The following ABHD17B variants were observed in gnomAD, a reference collection of about 807,000 sequenced individuals.
ABHD17B encodes alpha/beta hydrolase domain-containing protein 17B.
A neutral mutation model predicts 26.2 loss-of-function variants in ABHD17B; 9 were observed. That is an observed-to-expected ratio of 0.34 (90% CI 0.21 to 0.60). The LOEUF (loss-of-function observed/expected upper bound fraction) is 0.60. ABHD17B is among the 20% of genes least tolerant of loss of function. The pLI, the probability that ABHD17B is intolerant of heterozygous loss-of-function variation, is 0.80. For synonymous variants in ABHD17B, 127 were observed against 122.3 expected, an observed-to-expected ratio of 1.04 and a Z score of -0.25; for missense variants, 224 against 352.1, an observed-to-expected ratio of 0.64 and a Z score of 2.91.
At chr9:71,909,995 C>T (rs1564077333) in intron 1 of ABHD17B, among the ~76,000 whole-genome samples, 2 of 151,926 alleles carry the variant, frequency 1.3e-5, no homozygotes, top group African/African-American at 2.4e-5. Context: ...CAAACAAAAC[C>T]TTTAAATTTT....
At chr9:71,862,459 G>A (rs1388512695), downstream of ABHD17B, 3 of 1,138,656 alleles carry the variant, frequency 2.6e-6, no homozygotes, top group Non-Finnish European at 3.5e-6. Context: ...ACATTGGAGA[G>A]CAAATAAGTT....
intron 1 of ABHD17B, among the ~76,000 whole-genome samples, chr9:71,907,615 G>A (rs755769085): frequency 5.9e-5 from 9 of 152,086 alleles, no homozygotes; most frequent in East Asian, 1.9e-4. Flanking sequence ...GGGTTCAAGC[G>A]ATTCTCCTGC....
In ABHD17B at chr9:71,865,398, A is replaced by G; in HGVS notation, c.*1389T>C. On this transcript the variant is annotated 3_prime_UTR_variant, in exon 4 of 4. Transcript: ENST00000333421. The stretch of plus-strand genomic sequence containing the variant: ...TTTTATTTTTCATTGTTTTATTCAG[A>G]CAGGGTTCATTCAAGGAAAGGCAAC... 2.0e-6 allele frequency: 2 copies of G among 984,300 alleles called. No homozygotes were observed. The highest frequency in any genetic ancestry group is 1.2e-6 in the Non-Finnish European group (1 of 828,798). The allele number at this position is 984,300 out of a possible 1,614,324, so 61.0% of individuals were successfully genotyped here. A position where few individuals can be genotyped will look rare whatever the true frequency, so the allele number is the denominator to read the frequency against.
intron 1 of ABHD17B, among the ~76,000 whole-genome samples, chr9:71,909,356 C>T (rs1401479858): frequency 6.6e-6 from 1 of 152,180 alleles, no homozygotes; most frequent in African/African-American, 2.4e-5. Flanking sequence ...AACACGACCC[C>T]TATTCTCCAA....
chr9:71,906,918 A>G (rs1289357762), intron 1 of ABHD17B, among the ~76,000 whole-genome samples: 1 of 152,192 alleles, frequency 6.6e-6, no homozygotes, highest in Non-Finnish European at 1.5e-5. Flanking sequence ...CGACCATTAC[A>G]CTTGGTGGCT....
intron 1 of ABHD17B, among the ~76,000 whole-genome samples, chr9:71,890,479 C>A (rs1333334044): frequency 6.6e-6 from 1 of 152,210 alleles, no homozygotes; most frequent in Non-Finnish European, 1.5e-5. Flanking sequence ...TTATTGCTGA[C>A]TATACAATTA....
rs567505366 is a variant in ABHD17B at position 71,901,577 on chromosome 9, T to C, written c.-4+9057A>G. On this transcript the variant is annotated intron_variant, in intron 1 of 3. Transcript: ENST00000333421. ...CTCTTTTTATCGCACCTAAACCTAA[T>C]GCTTTAACTACCCTTTATACTACAA... Among the ~76,000 whole-genome samples the C allele has an allele frequency of 9.2e-5, 14 of 152,292 alleles. No individual in the cohort carries two copies. The South Asian group carries it at 2.3e-3, about 25-fold the overall frequency.
At chr9:71,868,530 G>T (rs576789678) in intron 3 of ABHD17B, among the ~76,000 whole-genome samples, 6 of 152,122 alleles carry the variant, frequency 3.9e-5, no homozygotes, top group Non-Finnish European at 8.8e-5. Context: ...AATGAAAATG[G>T]AATGTTGACA....
chr9:71,869,349 C>CA (rs535442675), intron 3 of ABHD17B, among the ~76,000 whole-genome samples: 33 of 151,766 alleles, frequency 2.2e-4, no homozygotes, highest in African/African-American at 3.6e-4. Context: ...CGGCCATTCA[C>CA]AAAAAAAATC....
chr9:71,864,962 G>A (rs985244575), downstream of ABHD17B, among the ~76,000 whole-genome samples: 6 of 152,062 alleles, frequency 3.9e-5, no homozygotes, highest in Non-Finnish European at 7.4e-5. Context: ...CTAAGCCCTG[G>A]GTTGTATGCT....
intron 1 of ABHD17B, among the ~76,000 whole-genome samples, chr9:71,891,431 CT>C (rs1826780147): frequency 6.6e-6 from 1 of 152,052 alleles, no homozygotes; most frequent in Non-Finnish European, 1.5e-5. Flanking sequence ...TGTGGAATTC[CT>C]TTTTAGGAAT....
At chr9:71,893,492 T>C (rs748979708) in intron 1 of ABHD17B, among the ~76,000 whole-genome samples, 2 of 152,162 alleles carry the variant, frequency 1.3e-5, no homozygotes, top group East Asian at 1.9e-4. Context: ...AAGGATACAG[T>C]TGAAGAGATG....
chr9:71,905,561 G>A (rs964125450), intron 1 of ABHD17B, among the ~76,000 whole-genome samples: 1 of 152,140 alleles, frequency 6.6e-6, no homozygotes, highest in Non-Finnish European at 1.5e-5. Context: ...ACAGAAAACT[G>A]ACAGTTATTT....
chr9:71,895,484 C>T (rs543953105), intron 1 of ABHD17B, among the ~76,000 whole-genome samples: 1 of 152,304 alleles, frequency 6.6e-6, no homozygotes, highest in African/African-American at 2.4e-5. Context: ...AACTTACTCT[C>T]AAGATTCTTC....
At chr9:71,894,446 A>G (rs1375811139) in intron 1 of ABHD17B, among the ~76,000 whole-genome samples, 2 of 152,256 alleles carry the variant, frequency 1.3e-5, no homozygotes, top group East Asian at 3.9e-4. Flanking sequence ...CCTGGGTTCA[A>G]GTAGGCTCTG....
intron 1 of ABHD17B, among the ~76,000 whole-genome samples, chr9:71,894,104 A>G (rs1461873198): frequency 3.2e-4 from 48 of 149,840 alleles, no homozygotes; most frequent in Non-Finnish European, 5.2e-4. Context: ...AAAAAAAAAA[A>G]AAAAAAAAAA....
intron 1 of ABHD17B, among the ~76,000 whole-genome samples, chr9:71,901,189 T>G (rs1026328664): frequency 1.3e-5 from 2 of 152,024 alleles, no homozygotes; most frequent in Admixed American, 1.3e-4. Flanking sequence ...TTTTTTTGCA[T>G]GTATCTGTAT....
chr9:71,910,040 A>G (rs749546238), intron 1 of ABHD17B, among the ~76,000 whole-genome samples: 1 of 152,180 alleles, frequency 6.6e-6, no homozygotes, highest in Non-Finnish European at 1.5e-5. Context: ...AGCCTACCTT[A>G]GAGTTCGAAA....
In ABHD17B at chr9:71,874,746, A is replaced by G. The variant is rs1309743071; in HGVS notation, c.335T>C (p.Ile112Thr). Residue 112 changes from isoleucine (I) to threonine (T), a missense_variant, in exon 2 of 4, where the codon ATA (isoleucine) becomes ACA (threonine). By Grantham distance (89) the Ile-to-Thr change is moderately conservative. Transcript: ENST00000333421. ...ACAATTAATCCGTGATCCTAGTCCT[A>G]TGTAAAAGCTGCTCATTTGACCAAG... is the stretch of plus-strand genomic sequence containing the variant. Reference protein sequence around the residue: ...VDLGQMSSFYIGLGSRINCNI... With the variant: ...VDLGQMSSFYTGLGSRINCNI... The G allele has an allele frequency of 6.2e-7, 1 of 1,614,236 alleles. No homozygotes were observed. The highest frequency in any genetic ancestry group is 1.1e-5 in the South Asian group (1 of 91,088).
Sources: gnomAD v4.1 joint callset for allele counts (sites outside exome capture counted in the v4.1 genomes callset) on GRCh38, gnomAD v4.1.1 for gene constraint, MANE v1.5 for transcripts, NCBI Gene and HGNC (gene_info 2026-07-23, HGNC 2026-07-21) for gene names.